Variants in PIN1 observed in about 807,000 individuals in gnomAD.
PIN1 encodes peptidyl-prolyl cis-trans isomerase NIMA-interacting 1.
In PIN1, 8 loss-of-function variants were observed where a neutral mutation model predicts 19.9. The ratio of observed to expected loss-of-function variants is 0.40; its 90% CI spans 0.24 to 0.72. PIN1 has a LOEUF of 0.72. Among genes scored for constraint, PIN1 ranks in the 30% least tolerant of loss-of-function variants. PIN1 has a pLI of 0.37. For missense variants in PIN1, 185 were observed against 226.5 expected (o/e 0.82, Z 1.18); for synonymous variants, 86 against 90.8 (o/e 0.95, Z 0.30).
chr19:9,848,275 TCCTC>T, intron 3 of PIN1, 135 bp downstream of exon 3: 2 of 655,056 alleles, frequency 3.1e-6, no homozygotes, highest in African/African-American at 3.6e-5. Context: ...CACAGCCCCT[TCCTC>T]AGGCTTCAGA....
intron 1 of PIN1, chr19:9,836,386 C>G (rs979412178): frequency 1.2e-5 from 2 of 164,444 alleles, no homozygotes; most frequent in African/African-American, 4.8e-5. Flanking sequence ...GAGATTAGAG[C>G]CCATTGCCAA....
At chr19:9,844,753 G>T (rs540166679) in intron 2 of PIN1, among the ~76,000 whole-genome samples, 1 of 152,202 alleles carries the variant, frequency 6.6e-6, no homozygotes, top group Non-Finnish European at 1.5e-5. Context: ...CCTTAGGGTC[G>T]CAGCCTGAGT....
intron 1 of PIN1, chr19:9,836,822 G>C (rs1174018182): frequency 2.3e-6 from 3 of 1,286,948 alleles, no homozygotes; most frequent in Non-Finnish European, 3.0e-6. Context: ...GCCTGGAACA[G>C]AGTAAACACT....
At chr19:9,843,310 T>C (rs2046186690) in intron 2 of PIN1, among the ~76,000 whole-genome samples, 1 of 152,252 alleles carries the variant, frequency 6.6e-6, no homozygotes, top group Admixed American at 6.5e-5. Context: ...CCCCTCCTTC[T>C]GGATCTTGGT....
intron 1 of PIN1, chr19:9,837,152 ATTGT>A (rs765926704): frequency 6.2e-4 from 163 of 261,938 alleles, no homozygotes; most frequent in South Asian, 2.9e-3. Flanking sequence ...TTTATTTTTT[ATTGT>A]TTGTTTGTTT....
chr19:9,845,293 G>A (rs1037740483), intron 2 of PIN1, among the ~76,000 whole-genome samples: 3 of 149,968 alleles, frequency 2.0e-5, no homozygotes, highest in Admixed American at 6.6e-5. Flanking sequence ...ATGGAGTTTC[G>A]CTCTTGTTGC....
rs2046217652 is a variant in PIN1, at chr19:9,846,104, T to G, written c.272-1926T>G. Among the ~76,000 whole-genome samples the G allele has an allele frequency of 6.6e-6, 1 of 151,930 alleles. No homozygotes were observed. Among genetic ancestry groups the G allele is most frequent in the South Asian group, 2.1e-4 (1 of 4,808 alleles). ...TAGCAACATCTGGTTTAAGTCGGAG[T>G]CACTGGTGGATGTGTCTGGCACAGA... On this transcript the variant is annotated intron_variant, in intron 2 of 3. Coordinates refer to ENST00000247970, the MANE Select transcript of PIN1 (RefSeq NM_006221.4). This position sits in a 1 kb window ranked among gnomAD's most constrained non-coding sequence, Gnocchi z 5.9.
At chr19:9,842,583 A>C (rs1487184191) in intron 2 of PIN1, among the ~76,000 whole-genome samples, 5 of 152,170 alleles carry the variant, frequency 3.3e-5, no homozygotes, top group Non-Finnish European at 7.4e-5. Context: ...GGACCACAGG[A>C]GGCCTGGTGG....
At chr19:9,848,425 G>A in intron 3 of PIN1, 1 of 449,812 alleles carries the variant, frequency 2.2e-6, no homozygotes, top group South Asian at 2.3e-5. Context: ...GGCCCACCAA[G>A]GTGGGTACAT....
intron 1 of PIN1, chr19:9,837,108 C>T (rs2046115199): frequency 3.4e-6 from 1 of 297,278 alleles, no homozygotes; most frequent in Non-Finnish European, 6.8e-6. Context: ...AGACCACAGG[C>T]GTGTACCACC....
chr19:9,847,937 C>G (rs1162797736), intron 2 of PIN1, 93 bp from the exon 3 acceptor site: 6 of 796,848 alleles, frequency 7.5e-6, no homozygotes. Flanking sequence ...AGTGCTGCCT[C>G]CCCCGCTGGC....
At chr19:9,836,966 A>G (rs993211967) in intron 1 of PIN1, 7 of 639,516 alleles carry the variant, frequency 1.1e-5, no homozygotes, top group African/African-American at 1.9e-5. Context: ...GGCATTTTGT[A>G]GATGTGTGAG....
intron 1 of PIN1, 67 bp downstream of exon 1, chr19:9,835,469 C>A: frequency 8.7e-7 from 1 of 1,150,858 alleles, no homozygotes; most frequent in Non-Finnish European, 1.1e-6. Flanking sequence ...GAGCTCGCCC[C>A]TTGGGCGCGG....
chr19:9,835,333 G>T lies in PIN1; in HGVS notation c.-12G>T, dbSNP rs1450200755. On this transcript the variant is annotated 5_prime_UTR_variant, in exon 1 of 4. Transcript: ENST00000247970. ...CAGCTGAGGCGGAGCAGGCGCTGCG[G>T]CAGGAGGGAAGATGGCGGACGAGGA... is the stretch of plus-strand genomic sequence containing the variant. 5 of 1,525,054 alleles carry T rather than the reference G, an allele frequency of 3.3e-6. No homozygotes were observed. In the South Asian group the frequency reaches 6.0e-5, roughly 18 times the overall value. 94.5% of individuals were successfully genotyped at this position (1,525,054 alleles called of 1,614,324 possible).
intron 2 of PIN1, among the ~76,000 whole-genome samples, chr19:9,842,775 G>A (rs972002449): frequency 6.6e-6 from 1 of 152,218 alleles, no homozygotes; most frequent in Non-Finnish European, 1.5e-5. Context: ...TTGGGCACCT[G>A]GGCCTCATTT....
chr19:9,845,244 T>TTTTG (rs3837946), intron 2 of PIN1, among the ~76,000 whole-genome samples: 43,042 of 119,482 alleles, frequency 0.36, 10,792 homozygotes, highest in Admixed American at 0.49. Flanking sequence ...AAGAAAGCGT[T>TTTTG]TTTGTTTGTT....
At chr19:9,843,773 C>T (rs1019384985) in intron 2 of PIN1, among the ~76,000 whole-genome samples, 38 of 152,174 alleles carry the variant, frequency 2.5e-4, no homozygotes, top group African/African-American at 8.9e-4. Flanking sequence ...CCTGGCCAGG[C>T]GCAGTGGCTC....
intron 2 of PIN1, among the ~76,000 whole-genome samples, chr19:9,839,073 T>C (rs2046140449): frequency 6.6e-6 from 1 of 152,116 alleles, no homozygotes; most frequent in African/African-American, 2.4e-5. Flanking sequence ...GTGTTGTCAA[T>C]AGTAATATCA....
At chr19:9,849,017 G>C in intron 3 of PIN1, 73 bp from the exon 4 acceptor site, 1 of 908,692 alleles carries the variant, frequency 1.1e-6, no homozygotes, top group South Asian at 1.4e-5. Flanking sequence ...TGTCGCGGCT[G>C]CCACCCGCCC....
Sources: gnomAD v4.1 joint callset for allele counts (sites outside exome capture counted in the v4.1 genomes callset) on GRCh38, gnomAD v4.1.1 for gene constraint, Gnocchi (gnomAD v3.1) non-coding constraint, MANE v1.5 for transcripts, NCBI Gene and HGNC (gene_info 2026-07-23, HGNC 2026-07-21) for gene names.